The following ADAD1 variants were observed in gnomAD, a reference collection of about 807,000 sequenced individuals.
ADAD1 encodes adenosine deaminase domain-containing protein 1.
In ADAD1, 46 loss-of-function variants were observed where a neutral mutation model predicts 66.8. That is an observed-to-expected ratio of 0.69 (90% confidence interval 0.54 to 0.88). The LOEUF is 0.88. ADAD1 is among the 40% of genes least tolerant of loss of function. The probability of loss-of-function intolerance (pLI) is 0.00; values close to 1 mark genes in which losing one functional copy is unlikely to be tolerated. For missense variants in ADAD1, 617 were observed against 681.8 expected (o/e 0.91, Z 1.06); for synonymous variants, 248 against 229.4 (o/e 1.08, Z -0.73).
intron 5 of ADAD1, among the ~76,000 whole-genome samples, chr4:122,385,572 C>T (rs148421287): frequency 6.6e-6 from 1 of 152,312 alleles, no homozygotes; most frequent in East Asian, 1.9e-4. Context: ...TGCACCTGGA[C>T]TGATGTAGTT....
At chr4:122,397,061 A>G (rs1275722672) in intron 7 of ADAD1, among the ~76,000 whole-genome samples, 1 of 152,206 alleles carries the variant, frequency 6.6e-6, no homozygotes, top group African/African-American at 2.4e-5. Flanking sequence ...AAGGGTTGAT[A>G]AAATTTGGAT....
At chr4:122,382,953 A>T (rs1252312867) in intron 4 of ADAD1, among the ~76,000 whole-genome samples, 2 of 152,112 alleles carry the variant, frequency 1.3e-5, no homozygotes, top group Non-Finnish European at 2.9e-5. Context: ...TATGTGAGGA[A>T]ATAAGAGTGG....
At chr4:122,379,923 A>G in intron 2 of ADAD1, 139 bp from the exon 3 acceptor site, 1 of 804,810 alleles carries the variant, frequency 1.2e-6, no homozygotes, top group South Asian at 1.9e-5. Context: ...AGATCAGTTC[A>G]AGAGGGATTT....
chr4:122,397,835 T>C (rs1461438901), intron 7 of ADAD1, among the ~76,000 whole-genome samples: 1 of 152,180 alleles, frequency 6.6e-6, no homozygotes, highest in Admixed American at 6.5e-5. Context: ...TGAAGCTGAT[T>C]GAAGAAGAGC....
chr4:122,416,111 T>C (rs1796723397), intron 11 of ADAD1, among the ~76,000 whole-genome samples: 1 of 152,158 alleles, frequency 6.6e-6, no homozygotes, highest in South Asian at 2.1e-4. Context: ...CCCTGTAGGT[T>C]GAGAGATTTT....
chr4:122,390,176 A>T (rs1384791998), intron 5 of ADAD1, among the ~76,000 whole-genome samples: 5 of 152,130 alleles, frequency 3.3e-5, no homozygotes, highest in Non-Finnish European at 7.4e-5. Flanking sequence ...AAGAATGTTG[A>T]ATATTGGCCC....
rs1011264517 is a variant in ADAD1, at chr4:122,379,401, G to C, written c.-53G>C. 6 of 152,432 alleles carry C rather than the reference G, an allele frequency of 3.9e-5. No individual in the cohort carries two copies. The highest frequency in any genetic ancestry group is 1.2e-4 in the African/African-American group (5 of 41,478). 9.4% of individuals were successfully genotyped at this position (152,432 alleles called of 1,614,324 possible). On this transcript the variant is annotated 5_prime_UTR_variant, in exon 2 of 13. Coordinates refer to ENST00000296513, the MANE Select transcript of ADAD1 (RefSeq NM_139243.4). ...CGCAAGACGCGGAGCTCGGCTGCAC[G>C]ACGCTGGCGCAAGCGCGGGGGCAAG... is the stretch of plus-strand genomic sequence containing the variant.
At position 122,426,071 on chromosome 4, in the gene ADAD1, C is replaced by T. The variant is rs370053437; in HGVS notation, c.1618-3555C>T. On this transcript the variant is annotated intron_variant, in intron 12 of 12. Transcript: ENST00000296513. ...AGTAGGAAAAAATCTAAATTTGGTT[C>T]ATTAAAAAGTTAAACTCGGTAATCC... 2.6e-5 allele frequency among the ~76,000 whole-genome samples: 4 copies of T among 151,858 alleles called. No homozygotes were observed. The East Asian group carries it at 5.8e-4, about 22-fold the overall frequency.
chr4:122,407,987 G>A lies in ADAD1; in HGVS notation c.804G>A (p.Leu268=). Residue 268 remains leucine (L), a synonymous_variant, in exon 8 of 13, where the codon TTG becomes TTA. Coordinates refer to ENST00000296513, the MANE Select transcript of ADAD1 (RefSeq NM_139243.4). The part of the protein sequence containing the change: ...SQDIKPDGRV[L]HDTHAVVTAR... ...ACATTAAGCCAGATGGAAGAGTATT[G>A]CATGACACTCATGCTGTTGTTACAG... 6.2e-7 allele frequency: 1 copy of A among 1,613,654 alleles called. No individual in the cohort carries two copies. The highest frequency in any genetic ancestry group is 2.2e-5 in the East Asian group (1 of 44,828).
At chr4:122,416,344 C>G (rs907751456) in intron 11 of ADAD1, among the ~76,000 whole-genome samples, 1 of 152,180 alleles carries the variant, frequency 6.6e-6, no homozygotes, top group African/African-American at 2.4e-5. Flanking sequence ...TGTGAACATA[C>G]ATTTGTAATG....
chr4:122,399,554 A>G (rs1795874272), intron 7 of ADAD1, among the ~76,000 whole-genome samples: 1 of 152,026 alleles, frequency 6.6e-6, no homozygotes, highest in Non-Finnish European at 1.5e-5. Context: ...AATTGCATTG[A>G]ATCTGTAGAT....
intron 6 of ADAD1, among the ~76,000 whole-genome samples, chr4:122,395,092 C>T (rs1795633501): frequency 6.6e-6 from 1 of 151,946 alleles, no homozygotes; most frequent in Non-Finnish European, 1.5e-5. Flanking sequence ...CTCTTGTCGC[C>T]CAGGCTGGAG....
intron 6 of ADAD1, among the ~76,000 whole-genome samples, chr4:122,396,050 A>C (rs888630130): frequency 6.6e-6 from 1 of 152,206 alleles, no homozygotes; most frequent in African/African-American, 2.4e-5. Context: ...ACATCTTTTT[A>C]TAAGTTATCC....
intron 12 of ADAD1, among the ~76,000 whole-genome samples, chr4:122,424,692 G>A (rs1487457053): frequency 6.6e-6 from 1 of 151,988 alleles, no homozygotes; most frequent in Admixed American, 6.6e-5. Context: ...CATAAGATGT[G>A]AGAAATACAT....
intron 12 of ADAD1, among the ~76,000 whole-genome samples, chr4:122,428,618 A>G (rs1440186422): frequency 2.0e-5 from 3 of 152,246 alleles, no homozygotes; most frequent in Non-Finnish European, 4.4e-5. Context: ...ACATGAAACA[A>G]CGTAAATGAA....
chr4:122,391,484 G>T (rs532193654), intron 5 of ADAD1, among the ~76,000 whole-genome samples: 1 of 152,208 alleles, frequency 6.6e-6, no homozygotes, highest in African/African-American at 2.4e-5. Flanking sequence ...CTGCTGGTCC[G>T]CAGAGACTAT....
chr4:122,401,508 G>A (rs1424092069), intron 7 of ADAD1, among the ~76,000 whole-genome samples: 2 of 152,114 alleles, frequency 1.3e-5, no homozygotes, highest in Non-Finnish European at 2.9e-5. Context: ...TATCTGCTAA[G>A]TTCATTTGTT....
At chr4:122,425,515 G>T (rs555500574) in intron 12 of ADAD1, among the ~76,000 whole-genome samples, 2 of 151,656 alleles carry the variant, frequency 1.3e-5, no homozygotes, top group African/African-American at 4.8e-5. Flanking sequence ...AAAATTTATG[G>T]AATACAGGTG....
intron 7 of ADAD1, among the ~76,000 whole-genome samples, chr4:122,403,676 G>A (rs957198273): frequency 5.3e-5 from 8 of 152,104 alleles, no homozygotes; most frequent in African/African-American, 1.9e-4. Context: ...AGAATGGGGG[G>A]ATATAAGCTT....
Sources: gnomAD v4.1 joint callset for allele counts (sites outside exome capture counted in the v4.1 genomes callset) on GRCh38, gnomAD v4.1.1 for gene constraint, MANE v1.5 for transcripts, NCBI Gene and HGNC (gene_info 2026-07-23, HGNC 2026-07-21) for gene names.